ADGRE1: variants seen among roughly 807,000 people sequenced by gnomAD.
ADGRE1 encodes the protein EGF-like module receptor 1.
ADGRE1 carries 82 observed loss-of-function variants against 102.7 expected under a neutral mutation model. The ratio of observed to expected loss-of-function variants is 0.80; its 90% CI spans 0.67 to 0.96. The LOEUF is 0.96. Ranked by LOEUF, ADGRE1 falls within the 40% of genes least tolerant of loss-of-function variation. The pLI, the probability that ADGRE1 is intolerant of heterozygous loss-of-function variation, is 0.00. For synonymous variants in ADGRE1, 398 were observed against 399.6 expected (o/e 1.00, Z 0.05); for missense variants, 1,032 against 1,085.3 (o/e 0.95, Z 0.69).
intron 17 of ADGRE1, among the ~76,000 whole-genome samples, chr19:6,929,497 A>C (rs1040503666): frequency 3.3e-5 from 5 of 149,328 alleles, no homozygotes; most frequent in Admixed American, 6.8e-5. Flanking sequence ...ATGGTTTACA[A>C]AGAAAAGGGA....
chr19:6,902,429 T>G (rs1027208614), intron 6 of ADGRE1, among the ~76,000 whole-genome samples: 16 of 151,764 alleles, frequency 1.1e-4, no homozygotes, highest in East Asian at 1.9e-4. Flanking sequence ...TTTGTTTTTT[T>G]GGGGTTTTTT....
chr19:6,910,762 G>A (rs434270), intron 10 of ADGRE1, among the ~76,000 whole-genome samples: 95,288 of 151,278 alleles, frequency 0.63, 31,808 homozygotes, highest in Non-Finnish European at 0.75. Flanking sequence ...TAATAGAGAC[G>A]GGGTTTCACC....
At position 6,940,436 on chromosome 19, in the gene ADGRE1, G is replaced by GACTGATTTA. The variant is rs1488048637; in HGVS notation, c.*408_*416dup. ...TCAATAAATGATTTGTCGCCTGTCT[G>GACTGATTTA]ACTGATTTACCCTAGGATAAAGACT... On this transcript the variant is annotated 3_prime_UTR_variant, in exon 21 of 21. Coordinates refer to ENST00000312053, the MANE Select transcript of ADGRE1 (RefSeq NM_001974.5). 1 of 212,258 alleles carries GACTGATTTA rather than the reference G, an allele frequency of 4.7e-6. No homozygotes were observed. Among genetic ancestry groups the GACTGATTTA allele is most frequent in the African/African-American group, 2.3e-5 (1 of 43,192 alleles). 13.1% of individuals were successfully genotyped at this position (212,258 alleles called of 1,614,324 possible). A position where few individuals can be genotyped will look rare whatever the true frequency, so the allele number is the denominator to read the frequency against.
At chr19:6,911,130 G>T (rs767812979) in intron 10 of ADGRE1, among the ~76,000 whole-genome samples, 15 of 152,212 alleles carry the variant, frequency 9.9e-5, no homozygotes, top group Non-Finnish European at 2.1e-4. Flanking sequence ...TATGTCAGTG[G>T]GGAGGGGAGT....
chr19:6,925,470 G>A (rs11669329), intron 15 of ADGRE1, among the ~76,000 whole-genome samples: 31,824 of 151,946 alleles, frequency 0.21, 3,583 homozygotes, highest in Non-Finnish European at 0.24. Context: ...GGTGCTTTTT[G>A]TCCCCAGGGG....
chr19:6,904,363 A>ATTAATTAG (rs1568342438), intron 8 of ADGRE1, among the ~76,000 whole-genome samples, 181 bp downstream of exon 8: 1 of 151,752 alleles, frequency 6.6e-6, no homozygotes, highest in East Asian at 1.9e-4. Context: ...CTATTAATTA[A>ATTAATTAG]TTAGTTAAAC....
At chr19:6,899,137 T>C (rs772759200) in intron 5 of ADGRE1, among the ~76,000 whole-genome samples, 26 of 152,312 alleles carry the variant, frequency 1.7e-4, no homozygotes, top group Non-Finnish European at 2.9e-4. Context: ...GGACCTACTA[T>C]AAGTCAAACA....
At chr19:6,931,538 C>G (rs1975151439) in intron 17 of ADGRE1, among the ~76,000 whole-genome samples, 1 of 152,214 alleles carries the variant, frequency 6.6e-6, no homozygotes, top group South Asian at 2.1e-4. Context: ...TGGCTCATGC[C>G]TGTAATCCCA....
At chr19:6,916,440 G>C in intron 12 of ADGRE1, 72 bp downstream of exon 12, 2 of 1,537,140 alleles carry the variant, frequency 1.3e-6, no homozygotes, top group African/African-American at 1.4e-5. Flanking sequence ...CCCTTTCTAG[G>C]TGCCAAGACC....
intron 3 of ADGRE1, 86 bp downstream of exon 3, chr19:6,896,627 C>G: frequency 1.4e-6 from 2 of 1,459,056 alleles, no homozygotes; most frequent in Non-Finnish European, 1.9e-6. Flanking sequence ...GGTACTCCCC[C>G]ACCCCCCATT....
chr19:6,914,969 A>G (rs1370323435), intron 11 of ADGRE1, among the ~76,000 whole-genome samples: 1 of 151,496 alleles, frequency 6.6e-6, no homozygotes, highest in Non-Finnish European at 1.5e-5. Context: ...AGTAGGAGAA[A>G]GGAAGGGAGA....
At chr19:6,931,310 G>C (rs1975138470) in intron 17 of ADGRE1, among the ~76,000 whole-genome samples, 2 of 152,064 alleles carry the variant, frequency 1.3e-5, no homozygotes. Context: ...TTTTTTTAAT[G>C]GGGGGCATGT....
intron 5 of ADGRE1, among the ~76,000 whole-genome samples, chr19:6,900,449 C>T (rs1396931245): frequency 6.6e-6 from 1 of 152,188 alleles, no homozygotes; most frequent in Non-Finnish European, 1.5e-5. Flanking sequence ...TGCATCACTG[C>T]ATTCCAGCCT....
chr19:6,901,400 A>G (rs1482217329), intron 5 of ADGRE1, among the ~76,000 whole-genome samples: 1 of 152,162 alleles, frequency 6.6e-6, no homozygotes, highest in East Asian at 1.9e-4. Flanking sequence ...AGAAGCCAAC[A>G]GGTCTCTTGA....
intron 20 of ADGRE1, 125 bp from the exon 21 acceptor site, chr19:6,939,899 G>A (rs463891): frequency 0.73 from 809,109 of 1,106,172 alleles, 297,398 homozygotes; most frequent in Non-Finnish European, 0.75. Flanking sequence ...TAACATTTTA[G>A]TGTTTATCCT....
intron 15 of ADGRE1, among the ~76,000 whole-genome samples, chr19:6,925,935 C>T (rs8112547): frequency 0.26 from 38,995 of 151,748 alleles, 5,695 homozygotes; most frequent in African/African-American, 0.38. Flanking sequence ...TGGGCTTGAG[C>T]GATCTGCCTG....
At chr19:6,917,376 G>C (rs970440460) in intron 12 of ADGRE1, among the ~76,000 whole-genome samples, 1 of 152,154 alleles carries the variant, frequency 6.6e-6, no homozygotes, top group Non-Finnish European at 1.5e-5. Context: ...TTGAAAAAAA[G>C]CTTGGTATGG....
At chr19:6,895,004 CA>C (rs967043331) in intron 2 of ADGRE1, 4 of 152,190 alleles carry the variant, frequency 2.6e-5, no homozygotes, top group Non-Finnish European at 4.4e-5. Context: ...ATGAATGAAA[CA>C]ATGCAGATGT....
At position 6,926,550 on chromosome 19, in the gene ADGRE1, T is replaced by C; in HGVS notation, c.2171T>C (p.Val724Ala). 2 of 1,614,242 alleles carry C rather than the reference T, an allele frequency of 1.2e-6. No individual in the cohort carries two copies. The highest frequency in any genetic ancestry group is 1.7e-6 in the Non-Finnish European group (2 of 1,180,050). The change falls in exon 16 of 21, where the codon GTG becomes GCG. Residue 724 changes from valine (V) to alanine (A), a missense_variant. By Grantham distance (64) the Val-to-Ala change is moderately conservative. Transcript: ENST00000312053. The part of the protein sequence containing the change: ...CAFGYGLPML[V>A]VVISASVQPQ... The stretch of plus-strand genomic sequence containing the variant: ...TTTGGTTATGGGCTGCCGATGCTGG[T>C]GGTGGTGATCTCTGCCAGTGTGCAG...
Sources: allele counts gnomAD v4.1 joint callset (sites outside exome capture counted in the v4.1 genomes callset), GRCh38; gene constraint gnomAD v4.1.1; transcripts MANE v1.5; gene names NCBI Gene and HGNC (gene_info 2026-07-23, HGNC 2026-07-21).